Variants in SEPTIN9 observed in about 807,000 individuals in gnomAD.
SEPTIN9 encodes septin 9, also known as septin-9.
In SEPTIN9, 13 loss-of-function variants were observed where a neutral mutation model predicts 56.6. That is an observed-to-expected ratio of 0.23 (90% CI 0.15 to 0.37). The LOEUF is 0.37. Among genes scored for constraint, SEPTIN9 ranks in the 10% least tolerant of loss-of-function variants. The pLI is 1.00. For synonymous variants in SEPTIN9, 332 were observed against 334.1 expected (o/e 0.99, Z 0.07); for missense variants, 650 against 823.1 (o/e 0.79, Z 2.57).
intron 1 of SEPTIN9, among the ~76,000 whole-genome samples, chr17:77,302,834 A>C (rs901103036): frequency 1.3e-5 from 2 of 152,100 alleles, no homozygotes; most frequent in Admixed American, 1.3e-4. Context: ...GGTCTCCACT[A>C]CTGGAAAGGG....
In SEPTIN9 at chr17:77,310,939, C is replaced by A. The variant is rs1309689011; in HGVS notation, c.76+3742C>A. Among the ~76,000 whole-genome samples, 1 of 152,124 alleles carries A rather than the reference C, an allele frequency of 6.6e-6. No homozygotes were observed. The highest frequency in any genetic ancestry group is 2.4e-5 in the African/African-American group (1 of 41,430). ...CTTTTCCCCAGTGCCCCCATCATCCCTTCTGTCCTAGGTTGAACCGTGTCC... is the reference window on the plus strand; with the variant it reads ...CTTTTCCCCAGTGCCCCCATCATCCATTCTGTCCTAGGTTGAACCGTGTCC... On this transcript the variant is annotated intron_variant, in intron 2 of 11. Transcript: ENST00000427177. This position sits in a 1 kb window ranked among gnomAD's most constrained non-coding sequence, Gnocchi z 4.7.
chr17:77,286,730 C>G (rs1219384379), intron 1 of SEPTIN9, among the ~76,000 whole-genome samples: 2 of 152,186 alleles, frequency 1.3e-5, no homozygotes, highest in African/African-American at 4.8e-5. Context: ...GTTGCGTGGG[C>G]TCTGAAGTTT....
intron 1 of SEPTIN9, among the ~76,000 whole-genome samples, chr17:77,285,229 T>C (rs1391823672): frequency 6.6e-6 from 1 of 151,930 alleles, no homozygotes; most frequent in Non-Finnish European, 1.5e-5. Context: ...TGGGACTCCC[T>C]TTGCATACTA....
chr17:77,325,956 C>T (rs758354783), intron 2 of SEPTIN9, among the ~76,000 whole-genome samples: 19 of 152,166 alleles, frequency 1.2e-4, no homozygotes, highest in Admixed American at 2.0e-4. Flanking sequence ...CTGGCTTTCC[C>T]GGAGGCCTGG....
At chr17:77,362,298 G>A (rs561236826) in intron 2 of SEPTIN9, among the ~76,000 whole-genome samples, 182 of 152,316 alleles carry the variant, frequency 1.2e-3, no homozygotes, top group African/African-American at 4.2e-3. Flanking sequence ...CTCAGACTCC[G>A]TGGTCCCTGT....
chr17:77,407,673 C>T (rs967953637), intron 3 of SEPTIN9, among the ~76,000 whole-genome samples: 7 of 152,140 alleles, frequency 4.6e-5, no homozygotes, highest in Admixed American at 2.0e-4. Context: ...CCTGCTCCTC[C>T]GCCCCAGGGC....
Position 77,484,579 on chromosome 17 carries a change from T to A in SEPTIN9, c.913+2244T>A, listed in dbSNP as rs201457147. On this transcript the variant is annotated intron_variant, in intron 4 of 11. Transcript: ENST00000427177. ...TGATGGTGATTGTGGTGATGGTGGT[T>A]ATGATGGTGGTAATTGTGATGGTGG... is the stretch of plus-strand genomic sequence containing the variant. Among the ~76,000 whole-genome samples the A allele has an allele frequency of 8.5e-4, 21 of 24,740 alleles. 1 individual carries two copies. Among genetic ancestry groups the A allele is most frequent in the African/African-American group, 2.7e-3 (7 of 2,612 alleles). 16.2% of individuals were successfully genotyped at this position (24,740 alleles called of 152,430 possible).
In SEPTIN9 at chr17:77,326,272, G is replaced by A. The variant is rs1037237392; in HGVS notation, c.76+19075G>A. Among the ~76,000 whole-genome samples, 1 of 152,204 alleles carries A rather than the reference G, an allele frequency of 6.6e-6. No homozygotes were observed. The highest frequency in any genetic ancestry group is 6.5e-5 in the Admixed American group (1 of 15,290). On this transcript the variant is annotated intron_variant, in intron 2 of 11. Transcript: ENST00000427177. The surrounding 1 kb of genome is among the most constrained non-coding windows in gnomAD (Gnocchi z 5.1). ...GGACTTGGCGCTGGGGTCCCGTGGAGGACAAAGCCAGACACAGTCCTTGCC... is the reference window on the plus strand; with the variant it reads ...GGACTTGGCGCTGGGGTCCCGTGGAAGACAAAGCCAGACACAGTCCTTGCC...
Position 77,329,656 on chromosome 17 carries a change from T to G in SEPTIN9, c.76+22459T>G, listed in dbSNP as rs1202713508. Among the ~76,000 whole-genome samples the G allele has an allele frequency of 6.6e-6, 1 of 152,218 alleles. No individual in the cohort carries two copies. Among genetic ancestry groups the G allele is most frequent in the East Asian group, 1.9e-4 (1 of 5,168 alleles). On this transcript the variant is annotated intron_variant, in intron 2 of 11. Coordinates refer to ENST00000427177, the MANE Select transcript of SEPTIN9 (RefSeq NM_001113491.2). This position sits in a 1 kb window ranked among gnomAD's most constrained non-coding sequence, Gnocchi z 4.3. ...CATGGTGAGCCCTGGTGTGATGCAC[T>G]TAACACCTGCTGGTGCCCCCATCCC...
chr17:77,376,497 A>G (rs976532508), intron 2 of SEPTIN9: 6 of 732,798 alleles, frequency 8.2e-6, no homozygotes, highest in African/African-American at 5.7e-5. Flanking sequence ...GCCTGTCACC[A>G]TGTGGGTTGC....
chr17:77,482,957 G>T, intron 4 of SEPTIN9: 1 of 184,680 alleles, frequency 5.4e-6, no homozygotes, highest in Non-Finnish European at 1.1e-5. Context: ...TGAAGGGGGC[G>T]TCCCGTTTTC....
chr17:77,380,610 G>A (rs2035108442), intron 2 of SEPTIN9, among the ~76,000 whole-genome samples: 2 of 152,260 alleles, frequency 1.3e-5, no homozygotes, highest in South Asian at 2.1e-4. Flanking sequence ...GGATGTGGGC[G>A]ATGGAGCCTT....
At position 77,342,486 on chromosome 17, in the gene SEPTIN9, C is replaced by T. The variant is rs565461603; in HGVS notation, c.76+35289C>T. On this transcript the variant is annotated intron_variant, in intron 2 of 11. Transcript: ENST00000427177. ...ACTCCCCTTTTCTGGTGTCCATTTC[C>T]TTGAGTTTCTCTGTTATCTTCATTA... Among the ~76,000 whole-genome samples the T allele has an allele frequency of 6.6e-5, 10 of 152,276 alleles. No individual in the cohort carries two copies. The South Asian group carries it at 2.1e-3, about 32-fold the overall frequency.
At position 77,393,878 on chromosome 17, in the gene SEPTIN9, G is replaced by A. The variant is rs79737034; in HGVS notation, c.77-8181G>A. On this transcript the variant is annotated intron_variant, in intron 2 of 11. Coordinates refer to ENST00000427177, the MANE Select transcript of SEPTIN9 (RefSeq NM_001113491.2). ...TAGGATTACAGGCATGAGCCACCGC[G>A]CCTGGCCTCAGGGGCACCTTATTAC... 5.5e-3 allele frequency among the ~76,000 whole-genome samples: 837 copies of A among 152,248 alleles called. 9 individuals carry two copies. The highest frequency in any genetic ancestry group is 0.019 in the African/African-American group (807 of 41,536).
At chr17:77,414,988 G>A (rs367684008) in intron 3 of SEPTIN9, among the ~76,000 whole-genome samples, 2 of 152,162 alleles carry the variant, frequency 1.3e-5, no homozygotes, top group East Asian at 1.9e-4. Context: ...GTGCCAGTGC[G>A]TCCCTGAGTA....
intron 3 of SEPTIN9, among the ~76,000 whole-genome samples, chr17:77,439,941 T>G (rs766542609): frequency 6.6e-5 from 10 of 152,186 alleles, no homozygotes; most frequent in Non-Finnish European, 2.9e-5. Flanking sequence ...TTAACTTTTA[T>G]GTCTCCTCCT....
chr17:77,486,509 TGTGTGTGTGTGTGCGCGCACGC>T (rs1181269030), intron 4 of SEPTIN9, among the ~76,000 whole-genome samples: 2 of 97,104 alleles, frequency 2.1e-5, no homozygotes, highest in African/African-American at 6.2e-5. Flanking sequence ...TGTGTGTGTG[TGTGTGTGTGTGTGCGCGCACGC>T]GCGCGCGTGT....
rs1021550055 is a variant in SEPTIN9 at position 77,445,863 on chromosome 17, C to T, written c.722-36281C>T. ...GACAGGTGGACATGTGGCAAGGACA[C>T]CTTGGGACCTTCTTTCTGACGCCCC... On this transcript the variant is annotated intron_variant, in intron 3 of 11. Transcript: ENST00000427177. The surrounding 1 kb of genome is among the most constrained non-coding windows in gnomAD (Gnocchi z 4.7). 5.7e-6 allele frequency: 1 copy of T among 175,500 alleles called. No homozygotes were observed. The highest frequency in any genetic ancestry group is 2.4e-5 in the African/African-American group (1 of 41,630). The allele number at this position is 175,500 out of a possible 1,614,324, so 10.9% of individuals were successfully genotyped here.
intron 2 of SEPTIN9, among the ~76,000 whole-genome samples, chr17:77,340,294 C>A (rs958790886): frequency 9.2e-5 from 14 of 151,790 alleles, no homozygotes; most frequent in East Asian, 1.9e-4. Context: ...GCGTGTGACA[C>A]CATGCCTGAA....
Sources: gnomAD v4.1 joint callset for allele counts (sites outside exome capture counted in the v4.1 genomes callset) on GRCh38, gnomAD v4.1.1 for gene constraint, Gnocchi (gnomAD v3.1) non-coding constraint, MANE v1.5 for transcripts, NCBI Gene and HGNC (gene_info 2026-07-23, HGNC 2026-07-21) for gene names.